The following TENT4B variants were observed in gnomAD, a reference collection of about 807,000 sequenced individuals.
TENT4B encodes PAP associated domain containing 5.
A neutral mutation model predicts 75.0 loss-of-function variants in TENT4B; 10 were observed. The observed-to-expected ratio is 0.13, with a 90% confidence interval of 0.08 to 0.23. The LOEUF (loss-of-function observed/expected upper bound fraction) is 0.23. Among genes scored for constraint, TENT4B ranks in the 10% least tolerant of loss-of-function variants. The pLI, the probability that TENT4B is intolerant of heterozygous loss-of-function variation, is 1.00. For synonymous variants in TENT4B, 350 were observed against 357.7 expected (o/e 0.98, Z 0.24); for missense variants, 579 against 893.8 (o/e 0.65, Z 4.49).
At position 50,211,381 on chromosome 16, in the gene TENT4B, A is replaced by G. The variant is rs1596731019; in HGVS notation, c.697A>G (p.Lys233Glu). The change falls in exon 2 of 12, where the codon AAG (lysine) becomes GAG (glutamate). Residue 233 changes from lysine to glutamate, a missense_variant. Lys to Glu is a moderately conservative substitution (Grantham distance 56, BLOSUM62 1). Around this residue, in one of 7 missense-constraint regions of TENT4B, gnomAD observed 16 missense variants for 60.1 expected, o/e 0.27. Coordinates refer to ENST00000561678, the MANE Select transcript of TENT4B (RefSeq NM_001365324.3). ...CATGTCTCCAAGACCTGAGGAGGAG[A>G]AGATGCGGATGGAGGTGGTGAACAG... is the stretch of plus-strand genomic sequence containing the variant. ...EYMSPRPEEE[K>E]MRMEVVNRIE... The G allele has an allele frequency of 6.2e-7, 1 of 1,608,272 alleles. No homozygotes were observed. Among genetic ancestry groups the G allele is most frequent in the Non-Finnish European group, 8.5e-7 (1 of 1,178,584 alleles).
rs763566270 is a variant in TENT4B at position 50,162,538 on chromosome 16, TAATC to T, written c.638+8283_638+8286del. Among the ~76,000 whole-genome samples, 21 of 152,302 alleles carry T rather than the reference TAATC, an allele frequency of 1.4e-4. No homozygotes were observed. In the East Asian group the frequency reaches 2.9e-3, roughly 21 times the overall value. On this transcript the variant is annotated intron_variant, in intron 1 of 11. Coordinates refer to ENST00000561678, the MANE Select transcript of TENT4B (RefSeq NM_001365324.3). ...AGTGATAGCCTGTTTTGCCTTATAT[TAATC>T]AATAAAAATAGCCTCATCTAATCTT...
chr16:50,193,866 C>T (rs1367454923), intron 1 of TENT4B, among the ~76,000 whole-genome samples: 2 of 152,194 alleles, frequency 1.3e-5, no homozygotes, highest in African/African-American at 4.8e-5. Context: ...CTTGTGAACT[C>T]ATGAAATCCC....
Position 50,233,832 on chromosome 16 carries a change from C to T in TENT4B, c.*4504C>T, listed in dbSNP as rs1017371338. 1 of 985,356 alleles carries T rather than the reference C, an allele frequency of 1.0e-6. No individual in the cohort carries two copies. The highest frequency in any genetic ancestry group is 1.7e-5 in the African/African-American group (1 of 57,336). The allele number at this position is 985,356 out of a possible 1,614,324, so 61.0% of individuals were successfully genotyped here. On this transcript the variant is annotated 3_prime_UTR_variant, in exon 12 of 12. Transcript: ENST00000561678. ...TGTAGTGCATTCCCTTTGGTTATTA[C>T]ACATTTGTGGTAGCTCCTGGATTTA...
At chr16:50,196,772 A>G (rs1170313148) in intron 1 of TENT4B, among the ~76,000 whole-genome samples, 1 of 151,840 alleles carries the variant, frequency 6.6e-6, no homozygotes, top group African/African-American at 2.4e-5. Context: ...ACAAAAAAAA[A>G]AAAAATAGAC....
intron 1 of TENT4B, among the ~76,000 whole-genome samples, chr16:50,180,373 G>A (rs538340855): frequency 6.6e-6 from 1 of 152,228 alleles, no homozygotes; most frequent in South Asian, 2.1e-4. Flanking sequence ...AGAGTGCTGG[G>A]ATTACAGGCA....
At chr16:50,185,055 G>T (rs368657546) in intron 1 of TENT4B, among the ~76,000 whole-genome samples, 1 of 152,122 alleles carries the variant, frequency 6.6e-6, no homozygotes, top group Admixed American at 6.5e-5. Context: ...AGAGAGAGGC[G>T]CTAGGGTTAT....
intron 1 of TENT4B, among the ~76,000 whole-genome samples, chr16:50,174,290 G>T (rs2038261598): frequency 6.7e-6 from 1 of 149,510 alleles, no homozygotes; most frequent in Admixed American, 6.7e-5. Flanking sequence ...TAGGGACAGG[G>T]TTTTGCCATG....
intron 1 of TENT4B, among the ~76,000 whole-genome samples, chr16:50,185,142 G>C (rs770950875): frequency 3.3e-5 from 5 of 152,194 alleles, no homozygotes; most frequent in Non-Finnish European, 5.9e-5. Context: ...TTGCTTCCAA[G>C]TTTCTGGCTT....
Position 50,232,544 on chromosome 16 carries a change from G to C in TENT4B, c.*3216G>C, listed in dbSNP as rs140891863. ...CTGCTCCTTCCCTCCCCCATGAAAT[G>C]GTAAGTGTGACTTGTGTTTGCCTGA... On this transcript the variant is annotated 3_prime_UTR_variant, in exon 12 of 12. Coordinates refer to ENST00000561678, the MANE Select transcript of TENT4B (RefSeq NM_001365324.3). 6.3e-5 allele frequency: 62 copies of C among 985,294 alleles called. No individual in the cohort carries two copies. Among genetic ancestry groups the C allele is most frequent in the Non-Finnish European group, 7.0e-5 (58 of 829,918 alleles). The allele number at this position is 985,294 out of a possible 1,614,324, so 61.0% of individuals were successfully genotyped here.
chr16:50,211,324 C>T lies in TENT4B; in HGVS notation c.640C>T (p.Leu214=). The stretch of plus-strand genomic sequence containing the variant: ...TAACTTTTCTGTTTTTTTCTTCAGT[C>T]TGCATGAAGAAATCAGTGATTTTTA... The part of the protein sequence containing the change: ...RRNYNQGVVG[L]HEEISDFYEY... Residue 214 remains leucine (L), a splice_region_variant and synonymous_variant, in exon 2 of 12, where the codon CTG becomes TTG. Coordinates refer to ENST00000561678, the MANE Select transcript of TENT4B (RefSeq NM_001365324.3). 1.2e-6 allele frequency: 2 copies of T among 1,604,226 alleles called. No homozygotes were observed. Among genetic ancestry groups the T allele is most frequent in the South Asian group, 1.1e-5 (1 of 88,718 alleles).
chr16:50,166,129 C>A (rs1340489251), intron 1 of TENT4B, among the ~76,000 whole-genome samples: 2 of 143,688 alleles, frequency 1.4e-5, no homozygotes, highest in Admixed American at 1.5e-4. Context: ...ATTGCCCAGG[C>A]TGGAGTGCAG....
At position 50,225,285 on chromosome 16, in the gene TENT4B, A is replaced by G. The variant is rs759353281; in HGVS notation, c.1800A>G (p.Val600=). Residue 600 remains valine (V), a splice_region_variant and synonymous_variant, in exon 10 of 12, where the codon GTA becomes GTG. Transcript: ENST00000561678. ...CCACACAGTCCAGCTCTAGTGATGT[A>G]GTAAGTATGAAAGCCTCGGCTCTTC... ...SSATQSSSSD[V]DSDATPCKTP... is the part of the protein sequence containing the mutation. 1 of 1,606,370 alleles carries G rather than the reference A, an allele frequency of 6.2e-7. No individual in the cohort carries two copies.
At chr16:50,180,663 C>T (rs941668313) in intron 1 of TENT4B, among the ~76,000 whole-genome samples, 2 of 149,980 alleles carry the variant, frequency 1.3e-5, no homozygotes, top group Non-Finnish European at 1.5e-5. Flanking sequence ...GAGGCAAGAT[C>T]GTGCCCCTGC....
chr16:50,188,426 G>A (rs990147937), intron 1 of TENT4B, among the ~76,000 whole-genome samples: 3 of 152,148 alleles, frequency 2.0e-5, no homozygotes, highest in African/African-American at 7.2e-5. Flanking sequence ...GTATTGTTTG[G>A]CCTTAGCCTG....
At position 50,233,835 on chromosome 16, in the gene TENT4B, A is replaced by G; in HGVS notation, c.*4507A>G. The G allele has an allele frequency of 2.0e-6, 2 of 985,448 alleles. No individual in the cohort carries two copies. Among genetic ancestry groups the G allele is most frequent in the Non-Finnish European group, 1.2e-6 (1 of 829,938 alleles). The allele number at this position is 985,448 out of a possible 1,614,324, so 61.0% of individuals were successfully genotyped here. On this transcript the variant is annotated 3_prime_UTR_variant, in exon 12 of 12. Coordinates refer to ENST00000561678, the MANE Select transcript of TENT4B (RefSeq NM_001365324.3). ...AGTGCATTCCCTTTGGTTATTACAC[A>G]TTTGTGGTAGCTCCTGGATTTACTG...
chr16:50,165,966 ACT>A (rs751144681), intron 1 of TENT4B, among the ~76,000 whole-genome samples: 54 of 151,950 alleles, frequency 3.6e-4, no homozygotes, highest in Non-Finnish European at 6.8e-4. Context: ...TCTTAAGTTA[ACT>A]CTCTGTTTAA....
intron 1 of TENT4B, among the ~76,000 whole-genome samples, chr16:50,185,456 G>A (rs1458026533): frequency 1.1e-4 from 17 of 152,066 alleles, no homozygotes; most frequent in Admixed American, 1.1e-3. Flanking sequence ...GAGGGAGGAG[G>A]GAAGGAAAGT....
chr16:50,225,343 G>A, intron 10 of TENT4B, 58 bp downstream of exon 10: 1 of 1,468,146 alleles, frequency 6.8e-7, no homozygotes, highest in Non-Finnish European at 9.2e-7. Context: ...CTCTTGCTGG[G>A]GTTAACACTG....
intron 1 of TENT4B, among the ~76,000 whole-genome samples, chr16:50,175,881 C>G (rs1036588466): frequency 6.6e-6 from 1 of 151,862 alleles, no homozygotes; most frequent in Non-Finnish European, 1.5e-5. Flanking sequence ...CTCCTAGGGT[C>G]AAGTTATCTT....
Sources: gnomAD v4.1 joint callset for allele counts (sites outside exome capture counted in the v4.1 genomes callset) on GRCh38, gnomAD v4.1.1 for gene constraint, gnomAD v4.1.1 regional missense constraint, MANE v1.5 for transcripts, NCBI Gene and HGNC (gene_info 2026-07-23, HGNC 2026-07-21) for gene names.